Variants in INA observed in about 807,000 individuals in gnomAD.
The protein encoded by INA is internexin neuronal intermediate filament protein alpha.
In INA, 35 loss-of-function variants were observed where a neutral mutation model predicts 40.1. That is an observed-to-expected ratio of 0.87 (90% confidence interval 0.67 to 1.16). The LOEUF is 1.16. INA is among the 50% of genes most tolerant of loss of function. The probability of loss-of-function intolerance (pLI) is 0.00; values close to 1 mark genes in which losing one functional copy is unlikely to be tolerated. For synonymous variants in INA, 290 were observed against 316.9 expected (o/e 0.92, Z 0.90); for missense variants, 594 against 686.7 (o/e 0.87, Z 1.51).
rs535239619 is a variant in INA, at chr10:103,288,304, T to C, written c.1191-56T>C. ...AATGAATCAGGATTGGAGGGTTGAG[T>C]TCTGGGGGGGAAAAGTTATTGACTT... On this transcript the variant is annotated intron_variant, in intron 2 of 2. Coordinates refer to ENST00000369849, the MANE Select transcript of INA (RefSeq NM_032727.4). 37 of 1,466,908 alleles carry C rather than the reference T, an allele frequency of 2.5e-5. 1 individual carries two copies. The highest frequency in any genetic ancestry group is 4.0e-5 in the South Asian group (3 of 75,366). 90.9% of individuals were successfully genotyped at this position (1,466,908 alleles called of 1,614,324 possible). A position where few individuals can be genotyped will look rare whatever the true frequency, so the allele number is the denominator to read the frequency against.
intron 1 of INA, among the ~76,000 whole-genome samples, chr10:103,281,876 T>C (rs2093073403): frequency 6.6e-6 from 1 of 152,214 alleles, no homozygotes; most frequent in Non-Finnish European, 1.5e-5. Context: ...GCGTTTGTCT[T>C]AGCTCCTCCA....
In INA at chr10:103,289,312, A is replaced by C. The variant is rs2093094225; in HGVS notation, c.*643A>C. The C allele has an allele frequency of 6.6e-6, 1 of 152,640 alleles. No individual in the cohort carries two copies. The highest frequency in any genetic ancestry group is 1.5e-5 in the Non-Finnish European group (1 of 68,036). The allele number at this position is 152,640 out of a possible 1,614,324, so 9.5% of individuals were successfully genotyped here. On this transcript the variant is annotated 3_prime_UTR_variant, in exon 3 of 3. Coordinates refer to ENST00000369849, the MANE Select transcript of INA (RefSeq NM_032727.4). ...CTGCTCAGTGGGTAAAATTAGATGCATGTTGACCATGTCTATGATTCGTGT... is the reference window on the plus strand; with the variant it reads ...CTGCTCAGTGGGTAAAATTAGATGCCTGTTGACCATGTCTATGATTCGTGT...
At chr10:103,280,187 C>T in intron 1 of INA, 6 of 985,388 alleles carry the variant, frequency 6.1e-6, no homozygotes, top group Non-Finnish European at 7.2e-6. Flanking sequence ...AAAACAACAA[C>T]AGAGAAACTG....
Position 103,290,069 on chromosome 10 carries a change from T to G in INA, c.*1400T>G, listed in dbSNP as rs1279974148. On this transcript the variant is annotated 3_prime_UTR_variant, in exon 3 of 3. Coordinates refer to ENST00000369849, the MANE Select transcript of INA (RefSeq NM_032727.4). ...AGCATCTGCATTGCCCAGTCTTTCA[T>G]GTGTGCCAAGGCTGATGCAGGATTT... 6.6e-6 allele frequency: 1 copy of G among 152,654 alleles called. No individual in the cohort carries two copies. Among genetic ancestry groups the G allele is most frequent in the African/African-American group, 2.4e-5 (1 of 41,452 alleles). 9.5% of individuals were successfully genotyped at this position (152,654 alleles called of 1,614,324 possible). A position where few individuals can be genotyped will look rare whatever the true frequency, so the allele number is the denominator to read the frequency against.
chr10:103,285,679 G>A (rs1370018194), intron 1 of INA, among the ~76,000 whole-genome samples: 7 of 138,116 alleles, frequency 5.1e-5, no homozygotes, highest in African/African-American at 1.6e-4. Flanking sequence ...ATGCAGTGGC[G>A]CGATCTCGTC....
rs2093067159 is a variant in INA, at chr10:103,278,938, T to A, written c.1065+662T>A. Among the ~76,000 whole-genome samples, 1 of 80,858 alleles carries A rather than the reference T, an allele frequency of 1.2e-5. No individual in the cohort carries two copies. Among genetic ancestry groups the A allele is most frequent in the African/African-American group, 3.7e-5 (1 of 27,012 alleles). The allele number at this position is 80,858 out of a possible 152,430, so 53.0% of individuals were successfully genotyped here. The stretch of plus-strand genomic sequence containing the variant: ...ACACACACACACACACACACACGAT[T>A]CCCTTGTCCACCAGCTGACATTTCC... On this transcript the variant is annotated intron_variant, in intron 1 of 2. Coordinates refer to ENST00000369849, the MANE Select transcript of INA (RefSeq NM_032727.4). This position sits in a 1 kb window ranked among gnomAD's most constrained non-coding sequence, Gnocchi z 4.9.
At position 103,278,045 on chromosome 10, in the gene INA, G is replaced by A; in HGVS notation, c.834G>A (p.Lys278=). 1 of 1,613,392 alleles carries A rather than the reference G, an allele frequency of 6.2e-7. No individual in the cohort carries two copies. The change falls in exon 1 of 3, where the codon AAG becomes AAA. Residue 278 remains lysine (K), a synonymous_variant. Transcript: ENST00000369849. This position sits in a 1 kb window ranked among gnomAD's most constrained non-coding sequence, Gnocchi z 4.9. ...IRAQYESLAA[K]NLQSAEEWYK... ...CCCAGTATGAGTCCCTGGCCGCTAA[G>A]AACCTGCAGTCCGCGGAAGAATGGT...
chr10:103,278,876 ACACACACACGATTCCCTTGTCCACCAG>A lies in INA; in HGVS notation c.1065+610_1065+636del, dbSNP rs1307049193. 7.1e-6 allele frequency among the ~76,000 whole-genome samples: 1 copy of A among 140,670 alleles called. No individual in the cohort carries two copies. Among genetic ancestry groups the A allele is most frequent in the Non-Finnish European group, 1.5e-5 (1 of 64,752 alleles). The allele number at this position is 140,670 out of a possible 152,430, so 92.3% of individuals were successfully genotyped here. A position where few individuals can be genotyped will look rare whatever the true frequency, so the allele number is the denominator to read the frequency against. ...TGCTCTACCCACCTCCCCAACACAC[ACACACACACGATTCCCTTGTCCACCAG>A]CACACACACACACACACACACACAC... On this transcript the variant is annotated intron_variant, in intron 1 of 2. Transcript: ENST00000369849. The surrounding 1 kb of genome is among the most constrained non-coding windows in gnomAD (Gnocchi z 4.9).
Position 103,277,792 on chromosome 10 carries a change from G to A in INA, c.581G>A (p.Arg194His). The A allele has an allele frequency of 1.3e-6, 2 of 1,516,010 alleles. No individual in the cohort carries two copies. Among genetic ancestry groups the A allele is most frequent in the Non-Finnish European group, 1.8e-6 (2 of 1,138,704 alleles). 93.9% of individuals were successfully genotyped at this position (1,516,010 alleles called of 1,614,324 possible). A position where few individuals can be genotyped will look rare whatever the true frequency, so the allele number is the denominator to read the frequency against. Residue 194 changes from arginine to histidine, a missense_variant, in exon 1 of 3, where the codon CGC (arginine) becomes CAC (histidine). This residue lies in a region of INA where 379 missense variants were observed against 496.1 expected (regional missense o/e 0.76). Coordinates refer to ENST00000369849, the MANE Select transcript of INA (RefSeq NM_032727.4). This position sits in a 1 kb window ranked among gnomAD's most constrained non-coding sequence, Gnocchi z 5.6. ...EESRGREGAE[R>H]ALKAQQRDVD... ...AGCCGCGGACGCGAAGGCGCCGAGC[G>A]CGCCCTGAAGGCGCAGCAGCGCGAC...
chr10:103,283,120 A>C (rs1212858263), intron 1 of INA, among the ~76,000 whole-genome samples: 1 of 152,244 alleles, frequency 6.6e-6, no homozygotes, highest in Non-Finnish European at 1.5e-5. Flanking sequence ...GAAGGAACTA[A>C]AATGTAGAAA....
rs1360409839 is a variant in INA, at chr10:103,289,589, TAGA to T, written c.*926_*928del. 1 of 152,656 alleles carries T rather than the reference TAGA, an allele frequency of 6.6e-6. No individual in the cohort carries two copies. The highest frequency in any genetic ancestry group is 2.4e-5 in the African/African-American group (1 of 41,456). The allele number at this position is 152,656 out of a possible 1,614,324, so 9.5% of individuals were successfully genotyped here. A position where few individuals can be genotyped will look rare whatever the true frequency, so the allele number is the denominator to read the frequency against. On this transcript the variant is annotated 3_prime_UTR_variant, in exon 3 of 3. Coordinates refer to ENST00000369849, the MANE Select transcript of INA (RefSeq NM_032727.4). ...CGACCTTAGATTTAGTAGTGTAAGC[TAGA>T]AGAAGTGAGTGTTTCTATGAGTGGA...
At chr10:103,280,947 G>A in intron 1 of INA, 1 of 985,156 alleles carries the variant, frequency 1.0e-6, no homozygotes, top group South Asian at 4.7e-5. Context: ...GACCTCTACT[G>A]TGGTCAGTCT....
rs76287008 is a variant in INA at position 103,277,150 on chromosome 10, G to A, written c.-62G>A. The stretch of plus-strand genomic sequence containing the variant: ...ACCGCCCCGCCGCGCCCTGCCTGCC[G>A]CACCTCTCCTTTCTTCTGTAGCTCG... On this transcript the variant is annotated 5_prime_UTR_variant, in exon 1 of 3. Transcript: ENST00000369849. This position sits in a 1 kb window ranked among gnomAD's most constrained non-coding sequence, Gnocchi z 5.6. 3 of 1,483,980 alleles carry A rather than the reference G, an allele frequency of 2.0e-6. No individual in the cohort carries two copies. Among genetic ancestry groups the A allele is most frequent in the Non-Finnish European group, 2.7e-6 (3 of 1,123,672 alleles). 91.9% of individuals were successfully genotyped at this position (1,483,980 alleles called of 1,614,324 possible).
At chr10:103,285,648 C>G (rs1418230195) in intron 1 of INA, among the ~76,000 whole-genome samples, 1 of 132,178 alleles carries the variant, frequency 7.6e-6, no homozygotes, top group Non-Finnish European at 1.6e-5. Flanking sequence ...GATGGAGTTT[C>G]GCTCTTGTTG....
chr10:103,281,037 C>G, intron 1 of INA: 3 of 521,320 alleles, frequency 5.8e-6, no homozygotes, highest in Non-Finnish European at 7.4e-6. Flanking sequence ...GGGAGACAAG[C>G]CAAGTCTTCT....
Position 103,289,723 on chromosome 10 carries a change from A to T in INA, c.*1054A>T, listed in dbSNP as rs1404345394. On this transcript the variant is annotated 3_prime_UTR_variant, in exon 3 of 3. Coordinates refer to ENST00000369849, the MANE Select transcript of INA (RefSeq NM_032727.4). ...CACGTATTCCCCTTCCCACTAGCCT[A>T]GGTCATAAAGAGGCGTTGCTTTCAC... The T allele has an allele frequency of 2.0e-5, 3 of 152,214 alleles. No individual in the cohort carries two copies. The highest frequency in any genetic ancestry group is 7.2e-5 in the African/African-American group (3 of 41,448). The allele number at this position is 152,214 out of a possible 1,614,324, so 9.4% of individuals were successfully genotyped here.
chr10:103,277,440 C>G lies in INA; in HGVS notation c.229C>G (p.Leu77Val). The G allele has an allele frequency of 6.4e-7, 1 of 1,573,022 alleles. No homozygotes were observed. The highest frequency in any genetic ancestry group is 1.4e-5 in the African/African-American group (1 of 71,158). Reference protein sequence around the residue: ...RRPPASDGLDLSQAAARTNEY... With the variant: ...RRPPASDGLDVSQAAARTNEY... ...GCCGCCGGCGTCCGACGGGCTGGAC[C>G]TGAGCCAGGCGGCGGCGCGCACCAA... The change falls in exon 1 of 3, where the codon CTG becomes GTG. Residue 77 changes from leucine (L) to valine (V), a missense_variant. By Grantham distance (32) the Leu-to-Val change is conservative. Coordinates refer to ENST00000369849, the MANE Select transcript of INA (RefSeq NM_032727.4). The surrounding 1 kb of genome is among the most constrained non-coding windows in gnomAD (Gnocchi z 5.6).
chr10:103,287,643 G>A (rs1405141897), intron 2 of INA, among the ~76,000 whole-genome samples: 2 of 149,230 alleles, frequency 1.3e-5, no homozygotes, highest in African/African-American at 4.9e-5. Flanking sequence ...GCTGAGGCAA[G>A]AGAATCGCTT....
At chr10:103,279,379 G>A (rs1049052679) in intron 1 of INA, among the ~76,000 whole-genome samples, 2 of 152,140 alleles carry the variant, frequency 1.3e-5, no homozygotes, top group Non-Finnish European at 2.9e-5. Flanking sequence ...CTAAGCTCCT[G>A]TGATGGTATT....
Sources: allele counts gnomAD v4.1 joint callset (sites outside exome capture counted in the v4.1 genomes callset), GRCh38; gene constraint gnomAD v4.1.1; regional missense constraint gnomAD v4.1.1; non-coding constraint Gnocchi (gnomAD v3.1); transcripts MANE v1.5; gene names NCBI Gene and HGNC (gene_info 2026-07-23, HGNC 2026-07-21).